Variants in URI1 observed in about 807,000 individuals in gnomAD.
URI1 encodes unconventional prefoldin RPB5 interactor 1.
Under a neutral mutation model 60.2 loss-of-function variants are expected in URI1, and 39 were observed. The ratio of observed to expected loss-of-function variants is 0.65; its 90% CI spans 0.50 to 0.85. The LOEUF (loss-of-function observed/expected upper bound fraction) is 0.85. Ranked by LOEUF, URI1 falls within the 40% of genes least tolerant of loss-of-function variation. URI1 has a pLI of 0.00. For synonymous variants in URI1, 251 were observed against 236.8 expected, an observed-to-expected ratio of 1.06 and a Z score of -0.55; for missense variants, 691 against 665.9, an observed-to-expected ratio of 1.04 and a Z score of -0.42.
At chr19:29,938,229 C>T (rs927313656), upstream of URI1, among the ~76,000 whole-genome samples, 7 of 152,152 alleles carry the variant, frequency 4.6e-5, no homozygotes, top group East Asian at 1.4e-3. Flanking sequence ...GCATGTGGCA[C>T]CAACACCTGC....
chr19:29,981,334 G>C (rs2055595030), intron 2 of URI1, among the ~76,000 whole-genome samples: 1 of 152,066 alleles, frequency 6.6e-6, no homozygotes, highest in South Asian at 2.1e-4. Flanking sequence ...AAATACTTGA[G>C]CATATCCCTC....
intron 4 of URI1, among the ~76,000 whole-genome samples, chr19:29,989,139 C>G (rs1268761326): frequency 6.6e-6 from 1 of 151,318 alleles, no homozygotes; most frequent in Non-Finnish European, 1.5e-5. Flanking sequence ...GAGATGGAGT[C>G]TCACTCTGTC....
intron 1 of URI1, among the ~76,000 whole-genome samples, chr19:29,952,111 G>A (rs1170385687): frequency 6.6e-6 from 1 of 152,120 alleles, no homozygotes; most frequent in Non-Finnish European, 1.5e-5. Flanking sequence ...TACCATCTAG[G>A]TCCAGTGGAT....
rs186868431 is a variant in URI1 at position 30,010,745 on chromosome 19, T to C, written c.1036-349T>C. 2.2e-3 allele frequency among the ~76,000 whole-genome samples: 333 copies of C among 152,344 alleles called. 1 individual carries two copies. The highest frequency in any genetic ancestry group is 7.7e-3 in the African/African-American group (321 of 41,582). On this transcript the variant is annotated intron_variant, in intron 8 of 10. Coordinates refer to ENST00000392271, the MANE Select transcript of URI1 (RefSeq NM_003796.3). ...TCTTACTGAATTTTTGTTTATACTC[T>C]TTCTTTTGAAATACATAATTCAAGC...
intron 1 of URI1, among the ~76,000 whole-genome samples, chr19:29,951,282 C>T (rs2055176526): frequency 6.6e-6 from 1 of 152,174 alleles, no homozygotes; most frequent in Non-Finnish European, 1.5e-5. Flanking sequence ...GTGTAAATAT[C>T]CTATTCCTCA....
chr19:29,957,943 T>C (rs1030777146), intron 1 of URI1: 4 of 151,912 alleles, frequency 2.6e-5, no homozygotes, highest in African/African-American at 9.7e-5. Context: ...ATATTGACTT[T>C]GTTCTAAAAT....
intron 1 of URI1, among the ~76,000 whole-genome samples, chr19:29,945,874 CA>C (rs2055096851): frequency 1.3e-5 from 2 of 148,686 alleles, no homozygotes; most frequent in Admixed American, 6.6e-5. Flanking sequence ...TTTTTTTTTC[CA>C]AAAAAAGCTA....
At chr19:30,010,776 A>G (rs543623928) in intron 8 of URI1, among the ~76,000 whole-genome samples, 204 of 152,310 alleles carry the variant, frequency 1.3e-3, no homozygotes, top group Non-Finnish European at 2.3e-3. Context: ...CAAGCCAAAC[A>G]CTTATATCAA....
chr19:29,942,717 C>G (rs565573145), intron 1 of URI1, 53 bp downstream of exon 1: 1 of 1,343,692 alleles, frequency 7.4e-7, no homozygotes, highest in Admixed American at 3.4e-5. Flanking sequence ...CTGCCCCTGC[C>G]TGTGCTCTGG....
rs193275089 is a variant in URI1, at chr19:30,001,905, A to G, written c.368-3456A>G. Among the ~76,000 whole-genome samples the G allele has an allele frequency of 1.8e-3, 270 of 152,130 alleles. 1 individual carries two copies. The highest frequency in any genetic ancestry group is 6.1e-3 in the African/African-American group (255 of 41,544). On this transcript the variant is annotated intron_variant, in intron 4 of 10. Transcript: ENST00000392271. The stretch of plus-strand genomic sequence containing the variant: ...GGCAAATACTAAGTACATGTATTCA[A>G]TGTGCTATTTTAAAGCAGAAGTCCA...
intron 1 of URI1, among the ~76,000 whole-genome samples, chr19:29,949,467 G>A (rs1251784725): frequency 6.6e-6 from 1 of 151,998 alleles, no homozygotes; most frequent in Non-Finnish European, 1.5e-5. Flanking sequence ...CCCAGACGAT[G>A]GGCGGCCAGG....
chr19:29,947,972 A>G (rs1353260646), intron 1 of URI1, among the ~76,000 whole-genome samples: 2 of 152,180 alleles, frequency 1.3e-5, no homozygotes, highest in Non-Finnish European at 2.9e-5. Flanking sequence ...GGGGAGATTG[A>G]GGTCAGGTTT....
intron 4 of URI1, among the ~76,000 whole-genome samples, chr19:29,996,501 ATTC>A (rs2055814741): frequency 6.9e-6 from 1 of 144,744 alleles, no homozygotes; most frequent in Non-Finnish European, 1.5e-5. Flanking sequence ...GTGTGTGTGT[ATTC>A]TTTAGGGTTT....
upstream of URI1, chr19:29,942,218 G>A: frequency 5.1e-6 from 5 of 984,714 alleles, no homozygotes; most frequent in Non-Finnish European, 4.8e-6. Context: ...CTTGCTTCCG[G>A]CGTGCCGCGA....
Position 29,942,453 on chromosome 19 carries a change from GGCGGGCGC to G in URI1, c.-86_-79del, listed in dbSNP as rs1006801863. On this transcript the variant is annotated 5_prime_UTR_variant, in exon 1 of 11. It removes the in-frame stop codon of an upstream open reading frame in the 5' UTR. Transcript: ENST00000392271. ...GGGCGCGGGGCGCGCGGTGCCTGAG[GGCGGGCGC>G]GCGGGCGCTGGGCAACTGCCGGCCG... The G allele has an allele frequency of 1.8e-4, 187 of 1,011,514 alleles. No individual in the cohort carries two copies. The highest frequency in any genetic ancestry group is 2.2e-4 in the Non-Finnish European group (186 of 847,696). The allele number at this position is 1,011,514 out of a possible 1,614,324, so 62.7% of individuals were successfully genotyped here. A position where few individuals can be genotyped will look rare whatever the true frequency, so the allele number is the denominator to read the frequency against.
At chr19:30,007,389 A>G (rs1049778313) in intron 6 of URI1, 81 bp from the exon 7 acceptor site, 1 of 1,476,072 alleles carries the variant, frequency 6.8e-7, no homozygotes, top group South Asian at 1.3e-5. Context: ...CCTTGCCCCA[A>G]AAGAAAGTCT....
At position 30,005,497 on chromosome 19, in the gene URI1, C is replaced by T. The variant is rs201539269; in HGVS notation, c.459+45C>T. ...CTTCTATATTTTTAGAAAATATTTT[C>T]AAAGAAATATGAAGCTATCTTACAG... On this transcript the variant is annotated intron_variant, in intron 5 of 10. Coordinates refer to ENST00000392271, the MANE Select transcript of URI1 (RefSeq NM_003796.3). 51 of 1,505,708 alleles carry T rather than the reference C, an allele frequency of 3.4e-5. 1 individual carries two copies. The East Asian group carries it at 1.1e-3, about 34-fold the overall frequency. The allele number at this position is 1,505,708 out of a possible 1,614,324, so 93.3% of individuals were successfully genotyped here.
chr19:29,963,050 C>G (rs2055346805), intron 1 of URI1, among the ~76,000 whole-genome samples: 1 of 152,162 alleles, frequency 6.6e-6, no homozygotes, highest in African/African-American at 2.4e-5. Flanking sequence ...ATAAAGTTTT[C>G]CCTTTTTCTT....
intron 4 of URI1, among the ~76,000 whole-genome samples, chr19:29,996,849 G>T (rs1254806580): frequency 2.0e-5 from 3 of 151,486 alleles, no homozygotes; most frequent in Non-Finnish European, 2.9e-5. Flanking sequence ...GGCTTTTTTG[G>T]ATTCAATCGA....
Sources: gnomAD v4.1 joint callset for allele counts (sites outside exome capture counted in the v4.1 genomes callset) on GRCh38, gnomAD v4.1.1 for gene constraint, MANE v1.5 for transcripts, NCBI Gene and HGNC (gene_info 2026-07-23, HGNC 2026-07-21) for gene names.